ADGRL3: variants seen among roughly 807,000 people sequenced by gnomAD.
ADGRL3 encodes the protein calcium-independent alpha-latrotoxin receptor 3.
A neutral mutation model predicts 153.5 loss-of-function variants in ADGRL3; 62 were observed. That is an observed-to-expected ratio of 0.40 (90% CI 0.33 to 0.50). The LOEUF (loss-of-function observed/expected upper bound fraction) is 0.50. Among genes scored for constraint, ADGRL3 ranks in the 20% least tolerant of loss-of-function variants. The pLI is 0.47. For missense variants in ADGRL3, 1,641 were observed against 1,859.4 expected, an observed-to-expected ratio of 0.88 and a Z score of 2.16; for synonymous variants, 710 against 672.5, an observed-to-expected ratio of 1.06 and a Z score of -0.86.
intron 1 of ADGRL3, among the ~76,000 whole-genome samples, chr4:61,242,509 C>A (rs979352923): frequency 3.3e-5 from 5 of 152,018 alleles, no homozygotes; most frequent in African/African-American, 1.2e-4. Flanking sequence ...GCCATTTACA[C>A]TGTTTTAAAC....
intron 8 of ADGRL3, among the ~76,000 whole-genome samples, chr4:61,761,019 C>T (rs1248161852): frequency 6.6e-6 from 1 of 152,158 alleles, no homozygotes; most frequent in Non-Finnish European, 1.5e-5. Flanking sequence ...GGAATTGAAG[C>T]TGTCTTTTTG....
chr4:61,506,953 T>A (rs1188488707), intron 3 of ADGRL3, among the ~76,000 whole-genome samples: 1 of 152,112 alleles, frequency 6.6e-6, no homozygotes, highest in Non-Finnish European at 1.5e-5. Context: ...AAAAACCCTC[T>A]GTATTTATAA....
At chr4:61,338,996 C>A (rs1293577932) in intron 1 of ADGRL3, among the ~76,000 whole-genome samples, 1 of 152,130 alleles carries the variant, frequency 6.6e-6, no homozygotes, top group Non-Finnish European at 1.5e-5. Context: ...TCCCACAGCC[C>A]TTATTAATGA....
chr4:61,868,961 C>T (rs1032277914), intron 9 of ADGRL3, among the ~76,000 whole-genome samples: 1 of 152,114 alleles, frequency 6.6e-6, no homozygotes, highest in African/African-American at 2.4e-5. Context: ...GACAGGGTCT[C>T]TATATGCCAC....
chr4:61,334,967 T>A (rs779612038), intron 1 of ADGRL3, among the ~76,000 whole-genome samples: 1 of 152,108 alleles, frequency 6.6e-6, no homozygotes, highest in Non-Finnish European at 1.5e-5. Context: ...ACTTTCTTCC[T>A]CATTAAACAA....
At chr4:61,610,014 A>AT (rs1184970563) in intron 5 of ADGRL3, among the ~76,000 whole-genome samples, 1 of 151,960 alleles carries the variant, frequency 6.6e-6, no homozygotes, top group East Asian at 1.9e-4. Flanking sequence ...AGTGTTAGTA[A>AT]TTATATCAAG....
chr4:61,597,214 T>C (rs1326568088), intron 5 of ADGRL3, among the ~76,000 whole-genome samples: 1 of 152,224 alleles, frequency 6.6e-6, no homozygotes, highest in African/African-American at 2.4e-5. Flanking sequence ...GAGAAAGTAA[T>C]GCTTGGCAAA....
At chr4:61,233,298 T>C (rs2149218448) in intron 1 of ADGRL3, among the ~76,000 whole-genome samples, 1 of 152,340 alleles carries the variant, frequency 6.6e-6, no homozygotes, top group South Asian at 2.1e-4. Context: ...CTACAGTTAC[T>C]CTTTTCTTTT....
intron 1 of ADGRL3, among the ~76,000 whole-genome samples, chr4:61,374,089 G>A (rs1269140759): frequency 1.3e-5 from 2 of 152,132 alleles, no homozygotes; most frequent in African/African-American, 4.8e-5. Flanking sequence ...AATCATGTAT[G>A]AGTAAAACTT....
At chr4:61,264,311 C>A (rs1303704732) in intron 1 of ADGRL3, among the ~76,000 whole-genome samples, 2 of 151,920 alleles carry the variant, frequency 1.3e-5, no homozygotes, top group Non-Finnish European at 2.9e-5. Flanking sequence ...TCATGTAGGT[C>A]CAGCTGTGTT....
At chr4:61,546,072 A>C (rs1054851599) in intron 4 of ADGRL3, among the ~76,000 whole-genome samples, 2 of 152,118 alleles carry the variant, frequency 1.3e-5, no homozygotes, top group African/African-American at 4.8e-5. Context: ...GACTATTTCC[A>C]GTAGCTTCTG....
intron 4 of ADGRL3, among the ~76,000 whole-genome samples, chr4:61,560,712 T>G (rs999492535): frequency 5.3e-5 from 8 of 152,028 alleles, no homozygotes; most frequent in African/African-American, 1.2e-4. Context: ...TTATAACAAC[T>G]TACGGAGGTC....
intron 8 of ADGRL3, among the ~76,000 whole-genome samples, chr4:61,746,262 A>G (rs12502917): frequency 0.17 from 26,156 of 152,004 alleles, 2,377 homozygotes; most frequent in East Asian, 0.23. Context: ...ATAATGGGAG[A>G]CTTTAACACC....
intron 8 of ADGRL3, among the ~76,000 whole-genome samples, chr4:61,810,200 G>A (rs976887361): frequency 1.3e-5 from 2 of 152,024 alleles, no homozygotes; most frequent in Admixed American, 6.6e-5. Flanking sequence ...TATGCCCCAC[G>A]TACCTTGAAA....
chr4:62,037,898 A>G (rs371322967), intron 24 of ADGRL3, 42 bp downstream of exon 24: 87 of 1,610,392 alleles, frequency 5.4e-5, no homozygotes, highest in Admixed American at 8.3e-5. Flanking sequence ...ATTCTTAACT[A>G]TACCAGTTAC....
intron 21 of ADGRL3, among the ~76,000 whole-genome samples, chr4:62,012,709 T>C (rs1052580582): frequency 6.6e-6 from 1 of 152,202 alleles, no homozygotes; most frequent in Non-Finnish European, 1.5e-5. Flanking sequence ...AATCCTGATA[T>C]TGACTGGATA....
chr4:61,455,211 G>A, intron 2 of ADGRL3, among the ~76,000 whole-genome samples: 1 of 152,140 alleles, frequency 6.6e-6, no homozygotes, highest in Non-Finnish European at 1.5e-5. Flanking sequence ...CATGACTCTT[G>A]AAGCTGAGAG....
intron 2 of ADGRL3, among the ~76,000 whole-genome samples, chr4:61,401,641 A>G (rs1436342021): frequency 6.6e-6 from 1 of 151,996 alleles, no homozygotes; most frequent in African/African-American, 2.4e-5. Context: ...CATATGGTCT[A>G]GTGGTATTTT....
At chr4:61,245,722 T>G (rs1448003584) in intron 1 of ADGRL3, among the ~76,000 whole-genome samples, 1 of 152,102 alleles carries the variant, frequency 6.6e-6, no homozygotes, top group East Asian at 1.9e-4. Context: ...ATATTCACAT[T>G]TGTCACAAAT....
Sources: gnomAD v4.1 joint callset for allele counts (sites outside exome capture counted in the v4.1 genomes callset) on GRCh38, gnomAD v4.1.1 for gene constraint, MANE v1.5 for transcripts, NCBI Gene and HGNC (gene_info 2026-07-23, HGNC 2026-07-21) for gene names.